Variants in RASGEF1A observed in about 807,000 individuals in gnomAD.
RASGEF1A encodes RasGEF domain family member 1A.
In RASGEF1A, 18 loss-of-function variants were observed where a neutral mutation model predicts 56.4. The observed-to-expected ratio is 0.32, with a 90% confidence interval of 0.22 to 0.47. The LOEUF (loss-of-function observed/expected upper bound fraction) is 0.47, where lower values mean the gene tolerates loss of function less well. RASGEF1A is among the 20% of genes least tolerant of loss of function. RASGEF1A has a pLI of 1.00. For missense variants in RASGEF1A, 422 were observed against 627.1 expected, an observed-to-expected ratio of 0.67 and a Z score of 3.49; for synonymous variants, 245 against 242.6, an observed-to-expected ratio of 1.01 and a Z score of -0.09.
At chr10:43,228,503 T>TC (rs1312928527) in intron 1 of RASGEF1A, among the ~76,000 whole-genome samples, 4 of 152,218 alleles carry the variant, frequency 2.6e-5, no homozygotes, top group Middle Eastern at 6.8e-3. Context: ...TGCAGGGCCC[T>TC]CCCCACTCCC....
chr10:43,254,776 C>CA (rs1487511602), intron 1 of RASGEF1A, among the ~76,000 whole-genome samples: 4 of 152,132 alleles, frequency 2.6e-5, no homozygotes, highest in African/African-American at 9.7e-5. Context: ...AGCAGGGGTC[C>CA]AAGCAGGGGC....
intron 1 of RASGEF1A, among the ~76,000 whole-genome samples, chr10:43,265,779 C>G (rs144945440): frequency 1.3e-5 from 2 of 152,228 alleles, no homozygotes; most frequent in African/African-American, 4.8e-5. Context: ...TCCAGGGCAC[C>G]GAGGTGGACA....
intron 1 of RASGEF1A, among the ~76,000 whole-genome samples, chr10:43,239,606 C>G (rs1044691859): frequency 1.8e-4 from 27 of 152,230 alleles, no homozygotes; most frequent in African/African-American, 5.8e-4. Context: ...CCCTGACTCT[C>G]TATCCCAAGT....
At chr10:43,238,491 A>T (rs936763697) in intron 1 of RASGEF1A, among the ~76,000 whole-genome samples, 4 of 152,194 alleles carry the variant, frequency 2.6e-5, no homozygotes, top group African/African-American at 9.7e-5. Flanking sequence ...AGTGGGGGAA[A>T]GCCTGGGTTC....
At chr10:43,230,758 G>A (rs1215064843) in intron 1 of RASGEF1A, among the ~76,000 whole-genome samples, 10 of 152,118 alleles carry the variant, frequency 6.6e-5, no homozygotes, top group African/African-American at 9.7e-5. Context: ...CCACCCCCAC[G>A]GCTCTTGCCC....
At chr10:43,250,222 G>A (rs1259083949) in intron 1 of RASGEF1A, among the ~76,000 whole-genome samples, 1 of 152,234 alleles carries the variant, frequency 6.6e-6, no homozygotes, top group East Asian at 1.9e-4. Flanking sequence ...CGCTGCCTGG[G>A]AGCCAGCTGC....
At chr10:43,202,288 A>T (rs1279214026) in intron 3 of RASGEF1A, among the ~76,000 whole-genome samples, 4 of 152,228 alleles carry the variant, frequency 2.6e-5, no homozygotes, top group African/African-American at 9.6e-5. Flanking sequence ...CAAGCCATCC[A>T]GTTAGAGGAG....
chr10:43,233,986 A>T (rs1258003070), intron 1 of RASGEF1A, among the ~76,000 whole-genome samples: 1 of 152,176 alleles, frequency 6.6e-6, no homozygotes, highest in African/African-American at 2.4e-5. Context: ...GACACCAGGC[A>T]CAAAGAGCAT....
intron 1 of RASGEF1A, among the ~76,000 whole-genome samples, chr10:43,243,555 C>T (rs3107330): frequency 0.7 from 100,131 of 142,526 alleles, 35,085 homozygotes; most frequent in East Asian, 0.94. Flanking sequence ...TCTGCCCGGC[C>T]GCCCCGTCTG....
At chr10:43,201,218 T>C (rs1839892656) in intron 4 of RASGEF1A, among the ~76,000 whole-genome samples, 2 of 152,102 alleles carry the variant, frequency 1.3e-5, no homozygotes, top group Non-Finnish European at 2.9e-5. Flanking sequence ...GAGCAGCCCA[T>C]AGAACAGTTT....
At chr10:43,261,543 C>G (rs189399442) in intron 1 of RASGEF1A, among the ~76,000 whole-genome samples, 2 of 152,228 alleles carry the variant, frequency 1.3e-5, no homozygotes. Flanking sequence ...ATAATTGATG[C>G]AGCCCCCTGC....
chr10:43,226,520 A>G (rs1170332889), intron 1 of RASGEF1A, among the ~76,000 whole-genome samples: 1 of 152,020 alleles, frequency 6.6e-6, no homozygotes, highest in East Asian at 1.9e-4. Context: ...CACGCCATCC[A>G]TGGGCTCCCA....
chr10:43,203,530 C>A, intron 2 of RASGEF1A, 110 bp from the exon 3 acceptor site: 1 of 1,425,256 alleles, frequency 7.0e-7, no homozygotes, highest in Non-Finnish European at 9.2e-7. Context: ...CACCGCCGGT[C>A]CCGAGGCCAT....
chr10:43,205,797 C>G, intron 2 of RASGEF1A, 122 bp downstream of exon 2: 1 of 796,264 alleles, frequency 1.3e-6, no homozygotes, highest in Non-Finnish European at 2.0e-6. Flanking sequence ...CCCCCACTGC[C>G]CTGCCCCTCC....
chr10:43,225,258 G>T (rs1244514471), intron 1 of RASGEF1A, among the ~76,000 whole-genome samples: 1 of 5,820 alleles, frequency 1.7e-4, no homozygotes, highest in African/African-American at 5.6e-4. Context: ...GGGGGTCTGT[G>T]GGGGGGGGGT....
intron 3 of RASGEF1A, chr10:43,202,757 C>G (rs1225383566): frequency 4.3e-6 from 2 of 465,240 alleles, no homozygotes; most frequent in Non-Finnish European, 8.8e-6. Flanking sequence ...CCACCACCCG[C>G]TCCCACCACG....
intron 1 of RASGEF1A, among the ~76,000 whole-genome samples, chr10:43,262,088 C>T (rs556302471): frequency 2.0e-5 from 3 of 152,220 alleles, no homozygotes; most frequent in East Asian, 1.9e-4. Flanking sequence ...TCACATTTGG[C>T]GGGTCTGGGT....
At chr10:43,229,582 G>T in intron 1 of RASGEF1A, 2 of 1,422,832 alleles carry the variant, frequency 1.4e-6, no homozygotes, top group African/African-American at 3.0e-5. Flanking sequence ...TCCCGAGCCC[G>T]ACAGCGCAAG....
At chr10:43,223,333 G>A (rs1840233528) in intron 1 of RASGEF1A, among the ~76,000 whole-genome samples, 1 of 152,096 alleles carries the variant, frequency 6.6e-6, no homozygotes, top group Non-Finnish European at 1.5e-5. Flanking sequence ...ACTATAGTTG[G>A]ATATTAATAT....
Sources: gnomAD v4.1 joint callset for allele counts (sites outside exome capture counted in the v4.1 genomes callset) on GRCh38, gnomAD v4.1.1 for gene constraint, MANE v1.5 for transcripts, NCBI Gene and HGNC (gene_info 2026-07-23, HGNC 2026-07-21) for gene names.